Variants in ARHGAP4 observed in about 807,000 individuals in gnomAD.
The protein encoded by ARHGAP4 is Rho GTPase activating protein 4, also known as rho GTPase-activating protein 4.
A neutral mutation model predicts 67.6 loss-of-function variants in ARHGAP4; 25 were observed. That is an observed-to-expected ratio of 0.37 (90% CI 0.27 to 0.52). ARHGAP4 has a LOEUF of 0.52. Ranked by LOEUF, ARHGAP4 falls within the 20% of genes least tolerant of loss-of-function variation. The pLI is 0.92. For synonymous variants in ARHGAP4, 448 were observed against 373.7 expected (o/e 1.20, Z -2.29); for missense variants, 804 against 854.6 (o/e 0.94, Z 0.74).
chrX:153,912,064 ATGCT>A (rs1439270279), intron 12 of ARHGAP4, among the ~76,000 whole-genome samples: 1 of 111,501 alleles, frequency 9.0e-6, no homozygotes, highest in Non-Finnish European at 1.9e-5. Context: ...GCCCTCTCTG[ATGCT>A]TGCTTGCTTC....
intron 5 of ARHGAP4, 71 bp downstream of exon 5, chrX:153,920,555 C>T: frequency 9.2e-7 from 1 of 1,083,462 alleles, no homozygotes; most frequent in Non-Finnish European, 1.2e-6. Flanking sequence ...CTGACTTCCC[C>T]CTCAGCACAG....
chrX:153,907,930 C>T lies in ARHGAP4; in HGVS notation c.2640G>A (p.Lys880=). 1 of 1,095,014 alleles carries T rather than the reference C, an allele frequency of 9.1e-7. No homozygotes were observed. The highest frequency in any genetic ancestry group is 2.5e-5 in the South Asian group (1 of 39,502). 90.2% of individuals were successfully genotyped at this position (1,095,014 alleles called of 1,213,427 possible). A position where few individuals can be genotyped will look rare whatever the true frequency, so the allele number is the denominator to read the frequency against. The change falls in exon 22 of 22, where the codon AAG becomes AAA. Residue 880 remains lysine (K), a synonymous_variant. Transcript: ENST00000350060. ...GGACAGAGGTCTTTCCCAAGAGCTC[C>T]TTAAACACAGAGTCCATGTTCTGTG... ...AVAQNMDSVF[K]ELLGKTSVRQ...
Position 153,909,728 on chromosome X carries a change from G to A in ARHGAP4, c.2414+13C>T, listed in dbSNP as rs782537933. 8.9e-5 allele frequency: 105 copies of A among 1,177,478 alleles called. No individual in the cohort carries two copies. The Middle Eastern group carries it at 2.3e-3, about 26-fold the overall frequency. On this transcript the variant is annotated intron_variant, in intron 19 of 21. Coordinates refer to ENST00000350060, the MANE Select transcript of ARHGAP4 (RefSeq NM_001666.5). ...TCCGGGAGCCCTGGGGCCTGAGGGC[G>A]CGGCTCACTCACCCGGCGGGCAGCG...
intron 5 of ARHGAP4, among the ~76,000 whole-genome samples, chrX:153,919,999 C>T (rs1471787658): frequency 9.0e-6 from 1 of 111,163 alleles, no homozygotes; most frequent in African/African-American, 3.3e-5. Flanking sequence ...GTTGGCCACA[C>T]TGATCTTGAA....
intron 1 of ARHGAP4, among the ~76,000 whole-genome samples, chrX:153,923,637 C>T (rs975163082): frequency 4.4e-5 from 5 of 112,866 alleles, no homozygotes. Context: ...GCAGAGCCCA[C>T]GATGCCAAGT....
chrX:153,922,941 CA>C (rs1318960008), intron 1 of ARHGAP4, among the ~76,000 whole-genome samples: 1 of 110,686 alleles, frequency 9.0e-6, no homozygotes, highest in Non-Finnish European at 1.9e-5. Context: ...AGATCAGAGC[CA>C]GGGGTGGGTG....
At chrX:153,922,908 G>A (rs1247310930) in intron 1 of ARHGAP4, among the ~76,000 whole-genome samples, 1 of 111,586 alleles carries the variant, frequency 9.0e-6, no homozygotes, top group Admixed American at 9.5e-5. Flanking sequence ...TGATGGGTGC[G>A]GAGAAGATGA....
intron 7 of ARHGAP4, chrX:153,914,101 T>A: frequency 2.4e-6 from 1 of 424,043 alleles, no homozygotes; most frequent in Non-Finnish European, 4.1e-6. Flanking sequence ...AACTGACGGA[T>A]GGCTAAACTC....
intron 1 of ARHGAP4, 200 bp from the exon 2 acceptor site, chrX:153,922,009 C>A (rs894781280): frequency 2.9e-5 from 25 of 869,162 alleles, no homozygotes; most frequent in Non-Finnish European, 3.9e-5. Context: ...CTGGCCTCAG[C>A]TGTCCAGCCG....
rs782360281 is a variant in ARHGAP4 at position 153,921,541 on chromosome X, G to A, written c.273-14C>T. On this transcript the variant is annotated splice_polypyrimidine_tract_variant and intron_variant, in intron 2 of 21. Transcript: ENST00000350060. ...GACGGCTCCTTCCTGGGGGTAGAGG[G>A]GCACTGAGACCTGGGAGCGGAGCTT... The A allele has an allele frequency of 7.6e-5, 91 of 1,196,998 alleles. No individual in the cohort carries two copies. The South Asian group carries it at 1.6e-3, about 21-fold the overall frequency.
At position 153,923,824 on chromosome X, in the gene ARHGAP4, C is replaced by G. The variant is rs181211937; in HGVS notation, c.68-2015G>C. Among the ~76,000 whole-genome samples the G allele has an allele frequency of 8.0e-5, 9 of 112,466 alleles. No individual in the cohort carries two copies. In the Admixed American group the frequency reaches 8.5e-4, roughly 11 times the overall value. On this transcript the variant is annotated intron_variant, in intron 1 of 21. Coordinates refer to ENST00000350060, the MANE Select transcript of ARHGAP4 (RefSeq NM_001666.5). Reference sequence around the variant, plus strand: ...TTTGAGACGGAGGATGTTGCCCAGGCTGGAGTACAGTGGTGCGATCTCGGC... The same window carrying G: ...TTTGAGACGGAGGATGTTGCCCAGGGTGGAGTACAGTGGTGCGATCTCGGC...
intron 12 of ARHGAP4, among the ~76,000 whole-genome samples, chrX:153,912,411 G>T (rs930345903): frequency 1.3e-4 from 14 of 111,814 alleles, no homozygotes; most frequent in African/African-American, 4.6e-4. Context: ...TACCATGCTG[G>T]CCAGAAGTCG....
At position 153,913,890 on chromosome X, in the gene ARHGAP4, C is replaced by A; in HGVS notation, c.1033-11G>T. Reference sequence around the variant, plus strand: ...GCAGATCTCAGCCACCTGCAGAGGGCGGCGGCCAGGGGGCTAAGGGCTGGG... The same window carrying A: ...GCAGATCTCAGCCACCTGCAGAGGGAGGCGGCCAGGGGGCTAAGGGCTGGG... On this transcript the variant is annotated splice_polypyrimidine_tract_variant and intron_variant, in intron 7 of 21. Coordinates refer to ENST00000350060, the MANE Select transcript of ARHGAP4 (RefSeq NM_001666.5). The A allele has an allele frequency of 5.8e-6, 7 of 1,205,577 alleles. No homozygotes were observed. Among genetic ancestry groups the A allele is most frequent in the Non-Finnish European group, 7.9e-6 (7 of 890,318 alleles).
intron 20 of ARHGAP4, 96 bp from the exon 21 acceptor site, chrX:153,909,265 G>C: frequency 2.1e-6 from 2 of 939,832 alleles, no homozygotes; most frequent in Non-Finnish European, 2.9e-6. Context: ...CCAAGGAAAG[G>C]AGGCTGGCCC....
chrX:153,918,824 A>C lies in ARHGAP4; in HGVS notation c.1032+8T>G. ...AGAATGCCAAGCCCAGCAGGGGGTG[A>C]CCCTCACCTCATCCCCATCATGGGG... On this transcript the variant is annotated splice_region_variant and intron_variant, in intron 7 of 21. Coordinates refer to ENST00000350060, the MANE Select transcript of ARHGAP4 (RefSeq NM_001666.5). 4 of 1,209,788 alleles carry C rather than the reference A, an allele frequency of 3.3e-6. No homozygotes were observed. The highest frequency in any genetic ancestry group is 4.5e-6 in the Non-Finnish European group (4 of 893,605).
intron 7 of ARHGAP4, among the ~76,000 whole-genome samples, chrX:153,915,085 G>A (rs782197486): frequency 5.3e-5 from 6 of 112,174 alleles, no homozygotes; most frequent in African/African-American, 1.9e-4. Flanking sequence ...GCTCCAACAT[G>A]GCTGACCCTT....
At position 153,910,562 on chromosome X, in the gene ARHGAP4, C is replaced by T. The variant is rs1295991110; in HGVS notation, c.1866G>A (p.Trp622Ter). The change falls in exon 16 of 22, where the codon TGG becomes TGA. Residue 622 changes from tryptophan to a stop codon, truncating the protein, a stop_gained. Transcript: ENST00000350060. LOFTEE classifies it high-confidence loss of function. ...ERVEHVSRLL[W>*]RLPAPVLVVL... is the part of the protein sequence containing the mutation. ...CCACCAGCACCGGCGCGGGCAGCCG[C>T]CACAGCAGGCGGCTCACGTGCTCCA... 8.3e-7 allele frequency: 1 copy of T among 1,206,737 alleles called. No individual in the cohort carries two copies.
chrX:153,921,533 G>C lies in ARHGAP4; in HGVS notation c.273-6C>G. ...ACAGGAGGGACGGCTCCTTCCTGGG[G>C]GTAGAGGGGCACTGAGACCTGGGAG... On this transcript the variant is annotated splice_region_variant and splice_polypyrimidine_tract_variant and intron_variant, in intron 2 of 21. Coordinates refer to ENST00000350060, the MANE Select transcript of ARHGAP4 (RefSeq NM_001666.5). 1 of 1,197,802 alleles carries C rather than the reference G, an allele frequency of 8.3e-7. No homozygotes were observed. Among genetic ancestry groups the C allele is most frequent in the East Asian group, 3.0e-5 (1 of 33,598 alleles).
At chrX:153,925,746 G>C (rs782044078) in intron 1 of ARHGAP4, among the ~76,000 whole-genome samples, 1 of 111,912 alleles carries the variant, frequency 8.9e-6, no homozygotes, top group East Asian at 2.8e-4. Flanking sequence ...CACTCACCCG[G>C]ACTCCCTTAC....
Sources: allele counts gnomAD v4.1 joint callset (sites outside exome capture counted in the v4.1 genomes callset), GRCh38; gene constraint gnomAD v4.1.1; transcripts MANE v1.5; gene names NCBI Gene and HGNC (gene_info 2026-07-23, HGNC 2026-07-21).